UBXN8: variants seen among roughly 807,000 people sequenced by gnomAD.
The protein encoded by UBXN8 is UBX domain-containing protein 8.
UBXN8 carries 27 observed loss-of-function variants against 32.1 expected under a neutral mutation model. The ratio of observed to expected loss-of-function variants is 0.84; its 90% CI spans 0.62 to 1.16. The LOEUF (loss-of-function observed/expected upper bound fraction) is 1.16, where lower values mean the gene tolerates loss of function less well. UBXN8 is among the 50% of genes most tolerant of loss of function. The pLI is 0.00. For synonymous variants in UBXN8, 109 were observed against 111.8 expected, an observed-to-expected ratio of 0.98 and a Z score of 0.16; for missense variants, 306 against 311.4, an observed-to-expected ratio of 0.98 and a Z score of 0.13.
intron 5 of UBXN8, among the ~76,000 whole-genome samples, chr8:30,758,930 G>T (rs1229547091): frequency 7.7e-5 from 7 of 90,772 alleles, no homozygotes; most frequent in East Asian, 3.9e-4. Context: ...GTCTCGCTTT[G>T]TCACCCAGGC....
chr8:30,738,577 C>T (rs1288459820), intron 1 of UBXN8, among the ~76,000 whole-genome samples: 5 of 149,958 alleles, frequency 3.3e-5, no homozygotes, highest in Non-Finnish European at 5.9e-5. Context: ...AGGAGAATGG[C>T]CTGAATCTGG....
chr8:30,751,556 T>G (rs1162127150), intron 2 of UBXN8, 38 bp downstream of exon 2: 1 of 1,510,716 alleles, frequency 6.6e-7, no homozygotes, highest in Non-Finnish European at 8.9e-7. Flanking sequence ...TATACCATTC[T>G]ACTCAAATTT....
At position 30,754,803 on chromosome 8, in the gene UBXN8, C is replaced by A; in HGVS notation, c.405+16C>A. 1 of 1,556,202 alleles carries A rather than the reference C, an allele frequency of 6.4e-7. No individual in the cohort carries two copies. Among genetic ancestry groups the A allele is most frequent in the South Asian group, 1.3e-5 (1 of 79,174 alleles). On this transcript the variant is annotated intron_variant, in intron 4 of 7. Coordinates refer to ENST00000265616, the MANE Select transcript of UBXN8 (RefSeq NM_005671.4). Reference sequence around the variant, plus strand: ...CAAACTTGGGGTTGGAAAATATTCTCATTTTATATTTTGAATCCTCTTACT... The same window carrying A: ...CAAACTTGGGGTTGGAAAATATTCTAATTTTATATTTTGAATCCTCTTACT...
intron 3 of UBXN8, among the ~76,000 whole-genome samples, chr8:30,753,803 C>G (rs1461982288): frequency 1.5e-5 from 2 of 130,644 alleles, no homozygotes; most frequent in Admixed American, 1.8e-4. Flanking sequence ...GACTGGGCCT[C>G]TCTCTGTTGC....
At chr8:30,761,793 C>T (rs1398112161) in intron 6 of UBXN8, among the ~76,000 whole-genome samples, 8 of 151,832 alleles carry the variant, frequency 5.3e-5, no homozygotes, top group East Asian at 3.9e-4. Flanking sequence ...ATGAAGAGGG[C>T]GACTACTTTG....
In UBXN8 at chr8:30,766,202, C is replaced by T. The variant is rs776509879; in HGVS notation, c.646-25C>T. ...TGGTGTGTAAAGTATTTGATAATGA[C>T]TAAGCCAAGCTTTTCATCTTCTAGG... On this transcript the variant is annotated intron_variant, in intron 7 of 7. Coordinates refer to ENST00000265616, the MANE Select transcript of UBXN8 (RefSeq NM_005671.4). 3 of 1,598,590 alleles carry T rather than the reference C, an allele frequency of 1.9e-6. No individual in the cohort carries two copies. In the South Asian group the frequency reaches 3.4e-5, roughly 18 times the overall value.
chr8:30,760,506 G>C (rs1231819486), intron 5 of UBXN8, among the ~76,000 whole-genome samples: 1 of 136,034 alleles, frequency 7.4e-6, no homozygotes, highest in Non-Finnish European at 1.5e-5. Flanking sequence ...TTGAACTTCT[G>C]AGCTCAAGTG....
rs776672668 is a variant in UBXN8 at position 30,754,714 on chromosome 8, T to G, written c.332T>G (p.Leu111Trp). 6.4e-7 allele frequency: 1 copy of G among 1,562,764 alleles called. No homozygotes were observed. The highest frequency in any genetic ancestry group is 8.6e-7 in the Non-Finnish European group (1 of 1,164,748). ...NVLKPHQEMK[L>W]RKLEERFYQM... The stretch of plus-strand genomic sequence containing the variant: ...TTAAAACCTCACCAGGAAATGAAAT[T>G]GAGAAAACTGGAGGAGCGCTTTTAT... The change falls in exon 4 of 8, where the codon TTG (leucine) becomes TGG (tryptophan). Residue 111 changes from leucine to tryptophan, a missense_variant. Transcript: ENST00000265616.
upstream of UBXN8, among the ~76,000 whole-genome samples, chr8:30,741,618 AT>A: frequency 6.6e-6 from 1 of 151,902 alleles, no homozygotes; most frequent in East Asian, 1.9e-4. Context: ...TGCCAGGCTA[AT>A]TTTTGTATTT....
intron 7 of UBXN8, among the ~76,000 whole-genome samples, chr8:30,763,678 C>A (rs1188641141): frequency 2.7e-5 from 4 of 150,270 alleles, no homozygotes; most frequent in Non-Finnish European, 5.9e-5. Flanking sequence ...TAACTTTAGA[C>A]TTTTTTTTTT....
intron 1 of UBXN8, among the ~76,000 whole-genome samples, chr8:30,750,922 A>G (rs1005921362): frequency 2.6e-5 from 4 of 152,222 alleles, no homozygotes; most frequent in Admixed American, 6.5e-5. Flanking sequence ...TCCATAAACA[A>G]TAAAGTATAG....
Position 30,763,415 on chromosome 8 carries a change from G to A in UBXN8, c.645+68G>A, listed in dbSNP as rs147521018. 841 of 1,421,046 alleles carry A rather than the reference G, an allele frequency of 5.9e-4. 5 individuals carry two copies. The African/African-American group carries it at 9.0e-3, about 15-fold the overall frequency. The allele number at this position is 1,421,046 out of a possible 1,614,324, so 88.0% of individuals were successfully genotyped here. A position where few individuals can be genotyped will look rare whatever the true frequency, so the allele number is the denominator to read the frequency against. On this transcript the variant is annotated intron_variant, in intron 7 of 7. Transcript: ENST00000265616. The stretch of plus-strand genomic sequence containing the variant: ...TATGGCAGTAGTTTATTCACATGCC[G>A]TGGGGGAAGGTGTGATCACACTGTC...
At chr8:30,731,299 C>T (rs905646751), upstream of UBXN8, among the ~76,000 whole-genome samples, 3 of 152,078 alleles carry the variant, frequency 2.0e-5, no homozygotes, top group Admixed American at 6.6e-5. Context: ...TTATAGATAC[C>T]GGTGCTGAAC....
At chr8:30,743,788 C>CT (rs1278713036), upstream of UBXN8, among the ~76,000 whole-genome samples, 1 of 152,198 alleles carries the variant, frequency 6.6e-6, no homozygotes, top group Non-Finnish European at 1.5e-5. Context: ...CACATTCATC[C>CT]TATACGGCCA....
At chr8:30,759,391 C>T (rs1029890445) in intron 5 of UBXN8, among the ~76,000 whole-genome samples, 4 of 151,584 alleles carry the variant, frequency 2.6e-5, no homozygotes, top group Non-Finnish European at 5.9e-5. Flanking sequence ...TGCGCCACCA[C>T]GCCTAGCTCA....
chr8:30,751,504 A>G lies in UBXN8; in HGVS notation c.197A>G (p.Gln66Arg). 1.2e-6 allele frequency: 2 copies of G among 1,601,986 alleles called. No individual in the cohort carries two copies. Among genetic ancestry groups the G allele is most frequent in the Non-Finnish European group, 8.5e-7 (1 of 1,175,160 alleles). Residue 66 changes from glutamine (Q) to arginine (R), a missense_variant, in exon 2 of 8, where the codon CAA (glutamine) becomes CGA (arginine). Gln to Arg is a conservative substitution (Grantham distance 43). Coordinates refer to ENST00000265616, the MANE Select transcript of UBXN8 (RefSeq NM_005671.4). The stretch of plus-strand genomic sequence containing the variant: ...TGGCTTAACTCATTTAAATCTCCCC[A>G]AGTTTATCTGAAGGGTAAGTTTATT... ...TSWLNSFKSP[Q>R]VYLKEEEEKN...
rs574289492 is a variant in UBXN8, at chr8:30,750,247, A to G, written c.89-1149A>G. Among the ~76,000 whole-genome samples the G allele has an allele frequency of 3.3e-5, 5 of 152,168 alleles. No individual in the cohort carries two copies. The East Asian group carries it at 7.8e-4, about 24-fold the overall frequency. On this transcript the variant is annotated intron_variant, in intron 1 of 7. Transcript: ENST00000265616. ...AGGACCTTGGGAGGCCGAGGCGAGC[A>G]GATTGCCCGTGTTCAGGAGCTCAAG...
rs1480691219 is a variant in UBXN8, at chr8:30,754,703, G to A, written c.321G>A (p.Gln107=). 17 of 1,561,342 alleles carry A rather than the reference G, an allele frequency of 1.1e-5. No individual in the cohort carries two copies. The Admixed American group carries it at 3.8e-4, about 35-fold the overall frequency. The change falls in exon 4 of 8, where the codon CAG becomes CAA. Residue 107 remains glutamine, a synonymous_variant. Transcript: ENST00000265616. ...RYIENVLKPH[Q]EMKLRKLEER... ...TAGAGAATGTTTTAAAACCTCACCA[G>A]GAAATGAAATTGAGAAAACTGGAGG...
upstream of UBXN8, among the ~76,000 whole-genome samples, chr8:30,731,315 G>C (rs1204073256): frequency 6.6e-6 from 1 of 152,178 alleles, no homozygotes; most frequent in Non-Finnish European, 1.5e-5. Flanking sequence ...TGAACATTCG[G>C]TAGTAACCGG....
Sources: allele counts gnomAD v4.1 joint callset (sites outside exome capture counted in the v4.1 genomes callset), GRCh38; gene constraint gnomAD v4.1.1; transcripts MANE v1.5; gene names NCBI Gene and HGNC (gene_info 2026-07-23, HGNC 2026-07-21).